Variants in EXOC6 observed in about 807,000 individuals in gnomAD.
The protein encoded by EXOC6 is SEC15-like 1.
EXOC6 carries 60 observed loss-of-function variants against 112.5 expected under a neutral mutation model. The observed-to-expected ratio is 0.53, with a 90% CI of 0.43 to 0.66. The LOEUF (loss-of-function observed/expected upper bound fraction) is 0.66. EXOC6 is among the 30% of genes least tolerant of loss of function. EXOC6 has a pLI of 0.00. For synonymous variants in EXOC6, 295 were observed against 308.0 expected, an observed-to-expected ratio of 0.96 and a Z score of 0.44; for missense variants, 855 against 957.1, an observed-to-expected ratio of 0.89 and a Z score of 1.41.
rs75355237 is a variant in EXOC6, at chr10:92,927,322, G to A, written c.889-1017G>A. Among the ~76,000 whole-genome samples the A allele has an allele frequency of 3.8e-3, 579 of 152,224 alleles. 4 individuals are homozygous for A. The highest frequency in any genetic ancestry group is 0.013 in the African/African-American group (533 of 41,544). ...AGAAGACAGAGGGGATTGAGGTATAGTAATTAATTTATTTTTTCAGTTATT... is the reference window on the plus strand; with the variant it reads ...AGAAGACAGAGGGGATTGAGGTATAATAATTAATTTATTTTTTCAGTTATT... On this transcript the variant is annotated intron_variant, in intron 8 of 21. Coordinates refer to ENST00000260762, the MANE Select transcript of EXOC6 (RefSeq NM_019053.6).
At chr10:93,028,229 C>T (rs538192995) in intron 20 of EXOC6, among the ~76,000 whole-genome samples, 52 of 151,796 alleles carry the variant, frequency 3.4e-4, no homozygotes, top group Non-Finnish European at 6.6e-4. Flanking sequence ...CCCTGGAGGT[C>T]GAGACTTCAG....
chr10:93,056,980 G>A lies in EXOC6; in HGVS notation c.2226G>A (p.Gln742=), dbSNP rs560532512. The change falls in exon 21 of 22, where the codon CAG becomes CAA. Residue 742 remains glutamine, a synonymous_variant. Transcript: ENST00000260762. ...DWSTYLADYG[Q]PASKYLRVNP... ...CTACTTACCTAGCTGATTATGGGCAGCCAGCTTCTAAGTACCTTCGGGTGA... is the reference window on the plus strand; with the variant it reads ...CTACTTACCTAGCTGATTATGGGCAACCAGCTTCTAAGTACCTTCGGGTGA... The A allele has an allele frequency of 6.9e-6, 11 of 1,598,884 alleles. No homozygotes were observed. Among genetic ancestry groups the A allele is most frequent in the Non-Finnish European group, 9.4e-6 (11 of 1,174,970 alleles).
At chr10:92,981,583 G>A (rs1460328471) in intron 18 of EXOC6, among the ~76,000 whole-genome samples, 1 of 152,012 alleles carries the variant, frequency 6.6e-6, no homozygotes, top group Non-Finnish European at 1.5e-5. Context: ...TGATCAATTT[G>A]TTCATTTTTC....
rs565959806 is a variant in EXOC6 at position 92,935,897 on chromosome 10, C to T, written c.1212+12C>T. 2 of 1,520,042 alleles carry T rather than the reference C, an allele frequency of 1.3e-6. No individual in the cohort carries two copies. The highest frequency in any genetic ancestry group is 1.7e-5 in the Admixed American group (1 of 58,610). The allele number at this position is 1,520,042 out of a possible 1,614,324, so 94.2% of individuals were successfully genotyped here. A position where few individuals can be genotyped will look rare whatever the true frequency, so the allele number is the denominator to read the frequency against. On this transcript the variant is annotated intron_variant, in intron 12 of 21. Transcript: ENST00000260762. Reference sequence around the variant, plus strand: ...CAGATACTTTACAGGTGGGTGATAACCTAACAATTAATGGTTATTCTGATC... The same window carrying T: ...CAGATACTTTACAGGTGGGTGATAATCTAACAATTAATGGTTATTCTGATC...
chr10:93,001,761 G>T (rs1412828406), intron 19 of EXOC6, among the ~76,000 whole-genome samples: 1 of 152,086 alleles, frequency 6.6e-6, no homozygotes, highest in Non-Finnish European at 1.5e-5. Context: ...TTGGCTTAGG[G>T]TCACACAGGA....
At chr10:92,918,877 C>T (rs111665229) in intron 7 of EXOC6, among the ~76,000 whole-genome samples, 5 of 152,116 alleles carry the variant, frequency 3.3e-5, no homozygotes, top group African/African-American at 4.8e-5. Flanking sequence ...TATATATATG[C>T]GTATGTAGTG....
intron 20 of EXOC6, 74 bp from the exon 21 acceptor site, chr10:93,056,850 G>A: frequency 1.2e-6 from 1 of 806,040 alleles, no homozygotes. Context: ...AATGGACCAA[G>A]GATAGCATAT....
chr10:92,894,942 A>G lies in EXOC6; in HGVS notation c.334A>G (p.Thr112Ala), dbSNP rs771410562. 33 of 1,611,814 alleles carry G rather than the reference A, an allele frequency of 2.0e-5. No individual in the cohort carries two copies. Among genetic ancestry groups the G allele is most frequent in the Non-Finnish European group, 2.6e-5 (31 of 1,178,180 alleles). The stretch of plus-strand genomic sequence containing the variant: ...CTTCTTTTCTAAGGTGATAGTCCAC[A>G]CAGAAGATATCATTCGATGTAGAAT... ...QDAGKEVIVH[T>A]EDIIRCRIQQ... The change falls in exon 4 of 22, where the codon ACA (threonine) becomes GCA (alanine). Residue 112 changes from threonine to alanine, a missense_variant. By Grantham distance (58) the Thr-to-Ala change is moderately conservative. This residue lies in a region of EXOC6 where 405 missense variants were observed against 393.6 expected (regional missense o/e 1.03). Transcript: ENST00000260762.
intron 1 of EXOC6, among the ~76,000 whole-genome samples, chr10:92,865,014 A>G (rs1848109933): frequency 6.6e-6 from 1 of 152,148 alleles, no homozygotes; most frequent in African/African-American, 2.4e-5. Flanking sequence ...TGCATTCATC[A>G]TTGCTGTTTT....
At chr10:93,018,694 A>G (rs1189459663) in intron 20 of EXOC6, among the ~76,000 whole-genome samples, 1 of 152,078 alleles carries the variant, frequency 6.6e-6, no homozygotes, top group Non-Finnish European at 1.5e-5. Context: ...CAATTCAGAC[A>G]AATCAGTGGG....
intron 18 of EXOC6, among the ~76,000 whole-genome samples, chr10:92,980,372 C>T (rs1294757750): frequency 6.6e-6 from 1 of 152,140 alleles, no homozygotes; most frequent in Non-Finnish European, 1.5e-5. Flanking sequence ...AGTTGTCTGG[C>T]AGGGTACTTG....
At chr10:93,014,310 C>A in intron 20 of EXOC6, 43 bp downstream of exon 20, 1 of 1,458,202 alleles carries the variant, frequency 6.9e-7, no homozygotes, top group South Asian at 1.2e-5. Context: ...CCCTCTAACT[C>A]TTGCCCTCCC....
At chr10:93,044,667 C>T (rs567463354) in intron 20 of EXOC6, among the ~76,000 whole-genome samples, 1 of 152,264 alleles carries the variant, frequency 6.6e-6, no homozygotes, top group East Asian at 1.9e-4. Context: ...CATCACTTCA[C>T]CAAAGATTTA....
chr10:93,043,820 A>G lies in EXOC6; in HGVS notation c.2170-13104A>G, dbSNP rs187608379. On this transcript the variant is annotated intron_variant, in intron 20 of 21. Transcript: ENST00000260762. ...AAGTCCTCCTTCAACTGCTGTTTTT[A>G]TTTAGTTTCTCTTTTTTAATTTTAT... Among the ~76,000 whole-genome samples the G allele has an allele frequency of 3.9e-5, 6 of 152,236 alleles. No homozygotes were observed. In the East Asian group the frequency reaches 1.2e-3, roughly 29 times the overall value.
chr10:92,896,173 A>ATTTTTT (rs1849794715), intron 4 of EXOC6, among the ~76,000 whole-genome samples: 1 of 23,802 alleles, frequency 4.2e-5, no homozygotes, highest in African/African-American at 1.9e-4. Flanking sequence ...ATATATATAT[A>ATTTTTT]TATATATATT....
In EXOC6 at chr10:93,003,336, A is replaced by G. The variant is rs77405060; in HGVS notation, c.2095+5721A>G. 3.8e-3 allele frequency among the ~76,000 whole-genome samples: 578 copies of G among 152,302 alleles called. 2 individuals carry two copies. The highest frequency in any genetic ancestry group is 0.013 in the African/African-American group (551 of 41,566). On this transcript the variant is annotated intron_variant, in intron 19 of 21. Coordinates refer to ENST00000260762, the MANE Select transcript of EXOC6 (RefSeq NM_019053.6). Reference sequence around the variant, plus strand: ...AATTCAGTTACTGACAAATTATTCTATACCATCATTCAGCCATGTACTTTT... The same window carrying G: ...AATTCAGTTACTGACAAATTATTCTGTACCATCATTCAGCCATGTACTTTT...
intron 12 of EXOC6, among the ~76,000 whole-genome samples, chr10:92,937,090 T>G (rs542137995): frequency 8.5e-5 from 13 of 152,332 alleles, no homozygotes; most frequent in Middle Eastern, 3.4e-3. Flanking sequence ...ATCAAAGTTT[T>G]GAGATTTCTA....
At chr10:92,983,748 C>A (rs942788688) in intron 18 of EXOC6, among the ~76,000 whole-genome samples, 14 of 152,050 alleles carry the variant, frequency 9.2e-5, no homozygotes, top group Non-Finnish European at 1.8e-4. Flanking sequence ...CTCAAGTGAT[C>A]CACCCACACT....
At chr10:93,047,999 T>C (rs1846083744) in intron 20 of EXOC6, among the ~76,000 whole-genome samples, 1 of 152,114 alleles carries the variant, frequency 6.6e-6, no homozygotes, top group South Asian at 2.1e-4. Flanking sequence ...CAAAGCAAAC[T>C]AAATCCAGAT....
Sources: allele counts gnomAD v4.1 joint callset (sites outside exome capture counted in the v4.1 genomes callset), GRCh38; gene constraint gnomAD v4.1.1; regional missense constraint gnomAD v4.1.1; transcripts MANE v1.5; gene names NCBI Gene and HGNC (gene_info 2026-07-23, HGNC 2026-07-21).